Variants in KCNIP2 observed in about 807,000 individuals in gnomAD.
KCNIP2 encodes potassium voltage-gated channel interacting protein 2.
A neutral mutation model predicts 39.0 loss-of-function variants in KCNIP2; 19 were observed. The observed-to-expected ratio is 0.49, with a 90% CI of 0.34 to 0.71. The LOEUF (loss-of-function observed/expected upper bound fraction) is 0.71. Ranked by LOEUF, KCNIP2 falls within the 30% of genes least tolerant of loss-of-function variation. KCNIP2 has a pLI of 0.01. For missense variants in KCNIP2, 261 were observed against 346.0 expected (o/e 0.75, Z 1.95); for synonymous variants, 111 against 131.2 (o/e 0.85, Z 1.05).
intron 1 of KCNIP2, among the ~76,000 whole-genome samples, chr10:101,842,185 C>T (rs1486169213): frequency 1.3e-5 from 2 of 152,244 alleles, no homozygotes; most frequent in African/African-American, 2.4e-5. Flanking sequence ...GAGACAGCCT[C>T]CCTCCTCCCA....
rs971793887 is a variant in KCNIP2, at chr10:101,839,705, G to A, written c.73+3791C>T. ...CTCTGCGGAGCTCCTAACCCACTTCGCTCACTTTTTGAAGGATCCTGCCCC... is the reference window on the plus strand; with the variant it reads ...CTCTGCGGAGCTCCTAACCCACTTCACTCACTTTTTGAAGGATCCTGCCCC... On this transcript the variant is annotated intron_variant, in intron 1 of 9. Transcript: ENST00000356640. The A allele has an allele frequency of 8.3e-6, 13 of 1,565,404 alleles. No homozygotes were observed. The Admixed American group carries it at 1.0e-4, about 12-fold the overall frequency.
In KCNIP2 at chr10:101,842,780, C is replaced by T. The variant is rs147650473; in HGVS notation, c.73+716G>A. The stretch of plus-strand genomic sequence containing the variant: ...CCAGAGAGGCAGCAGGGATGAGACA[C>T]GTCATAGACACTCACAGAGCCCCGC... On this transcript the variant is annotated intron_variant, in intron 1 of 9. Transcript: ENST00000356640. Among the ~76,000 whole-genome samples the T allele has an allele frequency of 1.6e-4, 25 of 152,286 alleles. No individual in the cohort carries two copies. In the East Asian group the frequency reaches 4.6e-3, roughly 28 times the overall value.
chr10:101,828,892 GTCTACAGGCGCCACTTCCGT>G lies in KCNIP2; in HGVS notation c.348+163_348+182del, dbSNP rs1564661884. 2 of 1,534,770 alleles carry G rather than the reference GTCTACAGGCGCCACTTCCGT, an allele frequency of 1.3e-6. No homozygotes were observed. The highest frequency in any genetic ancestry group is 1.8e-6 in the Non-Finnish European group (2 of 1,138,548). On this transcript the variant is annotated intron_variant, in intron 4 of 9. Transcript: ENST00000356640. The surrounding 1 kb of genome is among the most constrained non-coding windows in gnomAD (Gnocchi z 6.6). The stretch of plus-strand genomic sequence containing the variant: ...TAAAAAACATGGAACGAAACTGACA[GTCTACAGGCGCCACTTCCGT>G]TCTGGCCCCGCCCCAGAACCTCCAG...
chr10:101,828,323 TGGCCTG>T lies in KCNIP2; in HGVS notation c.489+60_489+65del. 1 of 1,610,568 alleles carries T rather than the reference TGGCCTG, an allele frequency of 6.2e-7. No individual in the cohort carries two copies. Among genetic ancestry groups the T allele is most frequent in the South Asian group, 1.1e-5 (1 of 91,004 alleles). ...CTTCACCCAACTCCTTCTCTGGGTT[TGGCCTG>T]GAGATCCTGGCCCTGAACTCCAGGA... On this transcript the variant is annotated intron_variant, in intron 6 of 9. Transcript: ENST00000356640. The surrounding 1 kb of genome is among the most constrained non-coding windows in gnomAD (Gnocchi z 6.6).
chr10:101,829,907 G>A lies in KCNIP2; in HGVS notation c.170-10C>T, dbSNP rs1007012928. 1 of 1,540,402 alleles carries A rather than the reference G, an allele frequency of 6.5e-7. No individual in the cohort carries two copies. The highest frequency in any genetic ancestry group is 8.7e-7 in the Non-Finnish European group (1 of 1,144,152). ...GCTGGGGCGGCTAATGCTGAAGGGAGCGAACTGTCACCGAGAAAGCGGAAG... is the reference window on the plus strand; with the variant it reads ...GCTGGGGCGGCTAATGCTGAAGGGAACGAACTGTCACCGAGAAAGCGGAAG... On this transcript the variant is annotated splice_polypyrimidine_tract_variant and intron_variant, in intron 2 of 9. Coordinates refer to ENST00000356640, the MANE Select transcript of KCNIP2 (RefSeq NM_173191.3).
In KCNIP2 at chr10:101,829,114, C is replaced by A. The variant is rs908170646; in HGVS notation, c.309G>T (p.Thr103=). ...GGTACAGGACCTGCAACTCCTTGCG[C>A]GTGAATTTGGTTTGCTCCTGCAGCT... ...LEQLQEQTKF[T]RKELQVLYRG... is the part of the protein sequence containing the mutation. Residue 103 remains threonine (T), a synonymous_variant, in exon 4 of 10, where the codon ACG becomes ACT. Transcript: ENST00000356640. The A allele has an allele frequency of 8.7e-6, 14 of 1,614,168 alleles. No individual in the cohort carries two copies. Among genetic ancestry groups the A allele is most frequent in the Non-Finnish European group, 1.2e-5 (14 of 1,180,022 alleles).
intron 1 of KCNIP2, 79 bp from the exon 2 acceptor site, chr10:101,831,246 A>G: frequency 9.1e-7 from 1 of 1,104,550 alleles, no homozygotes; most frequent in Middle Eastern, 2.0e-4. Flanking sequence ...CGCCAGTCAC[A>G]AATCAACCCC....
intron 2 of KCNIP2, chr10:101,830,394 G>A: frequency 1.6e-6 from 2 of 1,284,528 alleles, no homozygotes; most frequent in Non-Finnish European, 2.0e-6. Flanking sequence ...GTGGGGAAGG[G>A]GGCGGCCGCA....
At chr10:101,837,184 CACTT>C (rs1387942109) in intron 1 of KCNIP2, among the ~76,000 whole-genome samples, 1 of 152,166 alleles carries the variant, frequency 6.6e-6, no homozygotes, top group African/African-American at 2.4e-5. Flanking sequence ...TGTAGTATCT[CACTT>C]AGTCCTCATA....
rs2066221787 is a variant in KCNIP2, at chr10:101,838,244, A to G, written c.73+5252T>C. Among the ~76,000 whole-genome samples the G allele has an allele frequency of 6.6e-6, 1 of 152,254 alleles. No homozygotes were observed. Among genetic ancestry groups the G allele is most frequent in the South Asian group, 2.1e-4 (1 of 4,836 alleles). On this transcript the variant is annotated intron_variant, in intron 1 of 9. Coordinates refer to ENST00000356640, the MANE Select transcript of KCNIP2 (RefSeq NM_173191.3). The surrounding 1 kb of genome is among the most constrained non-coding windows in gnomAD (Gnocchi z 4.0). ...AGCAATTTGGCAGAGTGGGAACTCA[A>G]GGGAAAACCATCTCGAGGCATGAGG...
At position 101,828,414 on chromosome 10, in the gene KCNIP2, T is replaced by C. The variant is rs2065824806; in HGVS notation, c.464A>G (p.Asn155Ser). Residue 155 changes from asparagine to serine, a missense_variant, in exon 6 of 10, where the codon AAC (asparagine) becomes AGC (serine). Physicochemically the swap from Asn to Ser is conservative, Grantham distance 46. Transcript: ENST00000356640. This position sits in a 1 kb window ranked among gnomAD's most constrained non-coding sequence, Gnocchi z 6.6. ...CTCAAAACTGACCGAGCCATCATGG[T>C]TGGTGTCAAAGGCATTGAAGAGAAA... ...ATFLFNAFDT[N>S]HDGSVSFEDF... 4 of 1,614,054 alleles carry C rather than the reference T, an allele frequency of 2.5e-6. No homozygotes were observed. The highest frequency in any genetic ancestry group is 3.4e-6 in the Non-Finnish European group (4 of 1,180,010).
At chr10:101,827,637 T>G in intron 9 of KCNIP2, 52 bp downstream of exon 9, 1 of 1,602,350 alleles carries the variant, frequency 6.2e-7, no homozygotes. Flanking sequence ...CCTGCATTAC[T>G]AAATCAGGCC....
intron 1 of KCNIP2, among the ~76,000 whole-genome samples, chr10:101,832,602 G>A (rs1179982165): frequency 1.3e-5 from 2 of 152,064 alleles, no homozygotes; most frequent in Non-Finnish European, 2.9e-5. Flanking sequence ...AGGAGCCATG[G>A]AGAGGTGGGA....
intron 3 of KCNIP2, chr10:101,829,619 C>G (rs1278455013): frequency 5.4e-6 from 1 of 184,132 alleles, no homozygotes; most frequent in African/African-American, 2.5e-5. Flanking sequence ...CCAAACCCTC[C>G]CCTCGTCCCA....
At chr10:101,839,346 C>T (rs1186585325) in intron 1 of KCNIP2, among the ~76,000 whole-genome samples, 1 of 152,162 alleles carries the variant, frequency 6.6e-6, no homozygotes, top group African/African-American at 2.4e-5. Context: ...GGACACTGAA[C>T]CCTTCATCTT....
chr10:101,842,942 C>T (rs972134251), intron 1 of KCNIP2, among the ~76,000 whole-genome samples: 6 of 152,210 alleles, frequency 3.9e-5, no homozygotes, highest in African/African-American at 1.4e-4. Context: ...AGACAAGCCA[C>T]CCTAAAGTAG....
rs3837343 is a variant in KCNIP2, at chr10:101,830,769, T to TAC, written c.169+301_169+302dup. Among the ~76,000 whole-genome samples the TAC allele has an allele frequency of 3.3e-4, 40 of 120,070 alleles. No individual in the cohort carries two copies. In the South Asian group the frequency reaches 4.0e-3, roughly 12 times the overall value. 78.8% of individuals were successfully genotyped at this position (120,070 alleles called of 152,430 possible). On this transcript the variant is annotated intron_variant, in intron 2 of 9. Coordinates refer to ENST00000356640, the MANE Select transcript of KCNIP2 (RefSeq NM_173191.3). ...CGCAGGCGTGCGGCACGCCTCCCCA[T>TAC]ACACACACACACGCGCGCGGGCCTG...
At position 101,828,484 on chromosome 10, in the gene KCNIP2, G is replaced by A; in HGVS notation, c.419-25C>T. 2.5e-6 allele frequency: 4 copies of A among 1,612,478 alleles called. No individual in the cohort carries two copies. Among genetic ancestry groups the A allele is most frequent in the Non-Finnish European group, 3.4e-6 (4 of 1,178,828 alleles). On this transcript the variant is annotated intron_variant, in intron 5 of 9. Transcript: ENST00000356640. This position sits in a 1 kb window ranked among gnomAD's most constrained non-coding sequence, Gnocchi z 6.6. ...TCTGCAGGGTGAGTGTGGAGAAGTT[G>A]GCTTCCACACAGGAGAGGACTTCCT...
chr10:101,837,203 A>T (rs1222485251), intron 1 of KCNIP2, among the ~76,000 whole-genome samples: 2 of 152,104 alleles, frequency 1.3e-5, no homozygotes, highest in African/African-American at 4.8e-5. Context: ...CTCATAATAA[A>T]CCTGAGAGGT....
Sources: allele counts gnomAD v4.1 joint callset (sites outside exome capture counted in the v4.1 genomes callset), GRCh38; gene constraint gnomAD v4.1.1; non-coding constraint Gnocchi (gnomAD v3.1); transcripts MANE v1.5; gene names NCBI Gene and HGNC (gene_info 2026-07-23, HGNC 2026-07-21).